Variants in DNAJC1 observed in about 807,000 individuals in gnomAD.
DNAJC1 encodes DnaJ heat shock protein family (Hsp40) member C1.
DNAJC1 carries 58 observed loss-of-function variants against 76.6 expected under a neutral mutation model. The observed-to-expected ratio is 0.76, with a 90% CI of 0.61 to 0.94. The LOEUF is 0.94. DNAJC1 is among the 40% of genes least tolerant of loss of function. DNAJC1 has a pLI of 0.00. For synonymous variants in DNAJC1, 258 were observed against 267.9 expected, an observed-to-expected ratio of 0.96 and a Z score of 0.36; for missense variants, 689 against 677.3, an observed-to-expected ratio of 1.02 and a Z score of -0.19.
In DNAJC1 at chr10:21,817,352, C is replaced by A. The variant is rs77704915; in HGVS notation, c.979-11253G>T. Among the ~76,000 whole-genome samples the A allele has an allele frequency of 9.6e-4, 146 of 151,996 alleles. 1 individual carries two copies. Among genetic ancestry groups the A allele is most frequent in the African/African-American group, 3.4e-3 (141 of 41,454 alleles). On this transcript the variant is annotated intron_variant, in intron 8 of 11. Coordinates refer to ENST00000376980, the MANE Select transcript of DNAJC1 (RefSeq NM_022365.4). ...CATAAATGTTTACATTTATTTAAATCTTTGTCCTTAAATATACTACGAACA... is the reference window on the plus strand; with the variant it reads ...CATAAATGTTTACATTTATTTAAATATTTGTCCTTAAATATACTACGAACA...
chr10:21,766,266 G>C lies in DNAJC1; in HGVS notation c.1142C>G (p.Ser381Cys). Residue 381 changes from serine to cysteine, a missense_variant, in exon 10 of 12, where the codon TCC (serine) becomes TGC (cysteine). Physicochemically the swap from Ser to Cys is moderately radical, Grantham distance 112. Coordinates refer to ENST00000376980, the MANE Select transcript of DNAJC1 (RefSeq NM_022365.4). Reference protein sequence around the residue: ...AKQLKDSVTCSPGMVRLSELK... With the variant: ...AKQLKDSVTCCPGMVRLSELK... ...TAGAGGAAGTATGAACTCACCTGGG[G>C]AGCAGGTCACTGAATCCTTCAGTTG... 1 of 1,611,742 alleles carries C rather than the reference G, an allele frequency of 6.2e-7. No homozygotes were observed. Among genetic ancestry groups the C allele is most frequent in the Non-Finnish European group, 8.5e-7 (1 of 1,177,874 alleles).
chr10:21,928,733 C>T (rs1156365712), intron 2 of DNAJC1, among the ~76,000 whole-genome samples, 181 bp from the exon 3 acceptor site: 3 of 151,940 alleles, frequency 2.0e-5, no homozygotes, highest in Non-Finnish European at 4.4e-5. Flanking sequence ...ATTAAAAATG[C>T]TTGATATCAA....
chr10:21,839,466 T>A (rs1323128702), intron 8 of DNAJC1, among the ~76,000 whole-genome samples: 1 of 152,134 alleles, frequency 6.6e-6, no homozygotes, highest in African/African-American at 2.4e-5. Context: ...GAGAATACTA[T>A]AAACACCTCT....
At chr10:21,831,408 A>G (rs1211509191) in intron 8 of DNAJC1, among the ~76,000 whole-genome samples, 1 of 152,108 alleles carries the variant, frequency 6.6e-6, no homozygotes. Flanking sequence ...TCTGGTTTTG[A>G]GCTATTGTTA....
chr10:21,974,626 T>C (rs746348547), intron 1 of DNAJC1, among the ~76,000 whole-genome samples: 2 of 152,236 alleles, frequency 1.3e-5, no homozygotes, highest in Non-Finnish European at 2.9e-5. Context: ...TGCATTCTAT[T>C]CTGAAAAGTA....
chr10:21,923,207 T>A (rs935718033), intron 3 of DNAJC1, among the ~76,000 whole-genome samples: 7 of 151,992 alleles, frequency 4.6e-5, no homozygotes, highest in Admixed American at 4.6e-4. Context: ...TTAGAATCAA[T>A]GCTCTATTGA....
At chr10:21,968,365 A>C (rs1406898861) in intron 1 of DNAJC1, among the ~76,000 whole-genome samples, 2 of 152,242 alleles carry the variant, frequency 1.3e-5, no homozygotes, top group Non-Finnish European at 2.9e-5. Context: ...CATAGGTGAG[A>C]AAACTAAGGA....
At chr10:21,848,725 T>A (rs1012095928) in intron 8 of DNAJC1, among the ~76,000 whole-genome samples, 3 of 152,162 alleles carry the variant, frequency 2.0e-5, no homozygotes, top group Non-Finnish European at 4.4e-5. Context: ...GGATAAAACA[T>A]GTATCAAGCC....
intron 1 of DNAJC1, among the ~76,000 whole-genome samples, chr10:21,989,470 C>T (rs1351355391): frequency 6.6e-6 from 1 of 152,120 alleles, no homozygotes; most frequent in African/African-American, 2.4e-5. Flanking sequence ...GGCTCCATGA[C>T]TACAAGTAGG....
intron 9 of DNAJC1, among the ~76,000 whole-genome samples, chr10:21,774,660 GT>G (rs1482960714): frequency 1.3e-5 from 2 of 152,096 alleles, no homozygotes; most frequent in African/African-American, 4.8e-5. Flanking sequence ...GTATTTTTTA[GT>G]AGAGACAGGG....
intron 10 of DNAJC1, among the ~76,000 whole-genome samples, chr10:21,765,781 T>C (rs983292568): frequency 6.6e-6 from 1 of 151,802 alleles, no homozygotes; most frequent in Non-Finnish European, 1.5e-5. Context: ...GAGGCAGAGG[T>C]TGCAGTGAGC....
At chr10:21,960,621 T>A (rs958562349) in intron 1 of DNAJC1, among the ~76,000 whole-genome samples, 1 of 152,082 alleles carries the variant, frequency 6.6e-6, no homozygotes, top group African/African-American at 2.4e-5. Flanking sequence ...GCCCTGGAGG[T>A]TGAGGCTGCA....
chr10:21,858,006 A>C (rs1488909300), intron 8 of DNAJC1, among the ~76,000 whole-genome samples: 4 of 152,240 alleles, frequency 2.6e-5, no homozygotes, highest in African/African-American at 9.6e-5. Context: ...TTTGTTGTCT[A>C]TTATACATAT....
At chr10:21,908,169 T>TAATATATAAA in intron 6 of DNAJC1, among the ~76,000 whole-genome samples, 1 of 104,056 alleles carries the variant, frequency 9.6e-6, no homozygotes, top group African/African-American at 4.4e-5. Context: ...TAAAAATATA[T>TAATATATAAA]AATATATAAT....
intron 1 of DNAJC1, among the ~76,000 whole-genome samples, chr10:21,955,593 A>G (rs933197195): frequency 6.6e-6 from 1 of 152,102 alleles, no homozygotes; most frequent in African/African-American, 2.4e-5. Flanking sequence ...ACAGGCATAC[A>G]TTGTAGGATG....
chr10:21,945,804 G>A (rs1171684842), intron 1 of DNAJC1, among the ~76,000 whole-genome samples: 1 of 152,116 alleles, frequency 6.6e-6, no homozygotes. Context: ...AAATGGACAT[G>A]TACATGAAAT....
At chr10:21,891,778 T>G (rs931588972) in intron 7 of DNAJC1, among the ~76,000 whole-genome samples, 1 of 152,000 alleles carries the variant, frequency 6.6e-6, no homozygotes, top group African/African-American at 2.4e-5. Flanking sequence ...CTAAAATAAT[T>G]CGTCACCAGT....
chr10:21,893,408 C>G (rs1022217638), intron 7 of DNAJC1, among the ~76,000 whole-genome samples: 4 of 152,072 alleles, frequency 2.6e-5, no homozygotes, highest in Non-Finnish European at 5.9e-5. Context: ...GGGTGGATCA[C>G]TTGAGGTCAG....
intron 9 of DNAJC1, 87 bp from the exon 10 acceptor site, chr10:21,766,396 A>G: frequency 1.0e-6 from 1 of 974,714 alleles, no homozygotes; most frequent in Non-Finnish European, 1.7e-6. Flanking sequence ...CTCCATGTGA[A>G]TGAACACAGT....
Sources: gnomAD v4.1 joint callset for allele counts (sites outside exome capture counted in the v4.1 genomes callset) on GRCh38, gnomAD v4.1.1 for gene constraint, MANE v1.5 for transcripts, NCBI Gene and HGNC (gene_info 2026-07-23, HGNC 2026-07-21) for gene names.